Variants in SYNE2 observed in about 807,000 individuals in gnomAD.
The protein encoded by SYNE2 is spectrin repeat containing nuclear envelope protein 2.
Under a neutral mutation model 856.3 loss-of-function variants are expected in SYNE2, and 431 were observed. That is an observed-to-expected ratio of 0.50 (90% CI 0.47 to 0.55). The LOEUF (loss-of-function observed/expected upper bound fraction) is 0.55, where lower values mean the gene tolerates loss of function less well. SYNE2 is among the 20% of genes least tolerant of loss of function. The pLI is 0.00. For missense variants in SYNE2, 8,129 were observed against 8,023.2 expected (o/e 1.01, Z -0.50); for synonymous variants, 2,923 against 2,872.3 (o/e 1.02, Z -0.56).
intron 2 of SYNE2, among the ~76,000 whole-genome samples, chr14:63,936,653 A>G (rs2095837572): frequency 6.6e-6 from 1 of 152,202 alleles, no homozygotes; most frequent in South Asian, 2.1e-4. Context: ...AGGGAAGGGC[A>G]GATGGTGCTG....
At chr14:63,896,319 C>G (rs2095252034) in intron 1 of SYNE2, among the ~76,000 whole-genome samples, 1 of 152,160 alleles carries the variant, frequency 6.6e-6, no homozygotes, top group South Asian at 2.1e-4. Context: ...TTTTTCCTAT[C>G]ATATCCTGCA....
Position 64,081,454 on chromosome 14 carries a change from G to C in SYNE2, c.11358G>C (p.Lys3786Asn), listed in dbSNP as rs1329450245. The change falls in exon 57 of 116, where the codon AAG becomes AAC. Residue 3786 changes from lysine to asparagine, a missense_variant. By Grantham distance (94) the Lys-to-Asn change is moderately conservative (BLOSUM62 0). This residue lies in a region of SYNE2 where 5,410 missense variants were observed against 5,284.8 expected (regional missense o/e 1.02). Coordinates refer to ENST00000555002, the MANE Select transcript of SYNE2 (RefSeq NM_182914.3). ...RTSQLNKATV[K>N]MEEYSDLLKS... is the part of the protein sequence containing the mutation. ...CATCTCTTTCCCAGGCCACAGTTAA[G>C]ATGGAGGAATATAGTGACCTTCTGA... The C allele has an allele frequency of 3.1e-6, 5 of 1,614,068 alleles. No individual in the cohort carries two copies. The highest frequency in any genetic ancestry group is 4.2e-6 in the Non-Finnish European group (5 of 1,180,030).
chr14:63,787,974 GC>G (rs1468512802), intron 1 of SYNE2, among the ~76,000 whole-genome samples: 4 of 152,316 alleles, frequency 2.6e-5, no homozygotes, highest in African/African-American at 9.6e-5. Context: ...CCAGTGCCAA[GC>G]CGCCCTCAGC....
intron 49 of SYNE2, among the ~76,000 whole-genome samples, chr14:64,060,289 A>G (rs2097306337): frequency 6.6e-6 from 1 of 152,074 alleles, no homozygotes. Context: ...AGTCTCACCC[A>G]AGGCCCACAG....
chr14:63,814,256 C>T (rs570410165), intron 1 of SYNE2, among the ~76,000 whole-genome samples: 3 of 151,066 alleles, frequency 2.0e-5, no homozygotes, highest in South Asian at 2.1e-4. Context: ...GGCCACAGAG[C>T]GAGGCTCTGT....
At chr14:63,922,303 C>G (rs1469589004) in intron 2 of SYNE2, among the ~76,000 whole-genome samples, 1 of 152,218 alleles carries the variant, frequency 6.6e-6, no homozygotes, top group Non-Finnish European at 1.5e-5. Flanking sequence ...CCAGACCCAG[C>G]TTAGATGTTT....
chr14:64,002,665 T>C lies in SYNE2; in HGVS notation c.3787-55T>C, dbSNP rs893401013. The C allele has an allele frequency of 3.1e-6, 5 of 1,595,172 alleles. No individual in the cohort carries two copies. The African/African-American group carries it at 6.8e-5, about 22-fold the overall frequency. ...TGCAGTTTGGGGCTAGTTTCTCACA[T>C]GTAGCCTTTCTTTTTTCCACCTCAG... On this transcript the variant is annotated intron_variant, in intron 29 of 115. Coordinates refer to ENST00000555002, the MANE Select transcript of SYNE2 (RefSeq NM_182914.3).
At chr14:64,187,481 A>ATTG (rs2098497961) in intron 97 of SYNE2, among the ~76,000 whole-genome samples, 1 of 152,254 alleles carries the variant, frequency 6.6e-6, no homozygotes, top group Non-Finnish European at 1.5e-5. Flanking sequence ...TACTATTATG[A>ATTG]AATCAATCAG....
At chr14:63,955,938 G>A (rs2096236571) in intron 8 of SYNE2, among the ~76,000 whole-genome samples, 1 of 152,120 alleles carries the variant, frequency 6.6e-6, no homozygotes, top group East Asian at 1.9e-4. Context: ...GTAATAAGAG[G>A]TATATCAGAA....
chr14:64,140,132 A>G lies in SYNE2; in HGVS notation c.14976+59A>G, dbSNP rs1408082510. The G allele has an allele frequency of 2.6e-6, 4 of 1,542,452 alleles. No individual in the cohort carries two copies. The African/African-American group carries it at 5.4e-5, about 21-fold the overall frequency. ...TGGTCAGAAATAAATATCAAGGAAA[A>G]AGCATCAGGGTTGATGTGATAGTCT... On this transcript the variant is annotated intron_variant, in intron 80 of 115. Transcript: ENST00000555002.
intron 6 of SYNE2, among the ~76,000 whole-genome samples, chr14:63,947,154 A>G (rs997100829): frequency 7.2e-5 from 11 of 151,964 alleles, no homozygotes; most frequent in Admixed American, 7.2e-4. Flanking sequence ...CTGGCCTGTT[A>G]TATTCTTTAA....
At chr14:63,777,871 G>A (rs142502656) in intron 1 of SYNE2, among the ~76,000 whole-genome samples, 1,780 of 152,202 alleles carry the variant, frequency 0.012, 32 homozygotes, top group African/African-American at 0.041. Flanking sequence ...GTCTTGCTAT[G>A]TTGCTCAGGC....
At chr14:64,008,020 G>A (rs1480296784) in intron 31 of SYNE2, among the ~76,000 whole-genome samples, 1 of 152,072 alleles carries the variant, frequency 6.6e-6, no homozygotes, top group Non-Finnish European at 1.5e-5. Flanking sequence ...AAATCAAGCT[G>A]TGTTCCTTCT....
intron 83 of SYNE2, 91 bp downstream of exon 83, chr14:64,144,039 G>T (rs530294807): frequency 6.8e-6 from 10 of 1,469,680 alleles, no homozygotes; most frequent in Admixed American, 5.0e-5. Context: ...TTAGTTGACT[G>T]ATTATTAAGC....
intron 1 of SYNE2, among the ~76,000 whole-genome samples, chr14:63,836,215 G>A (rs935681062): frequency 1.3e-5 from 2 of 151,874 alleles, no homozygotes; most frequent in Non-Finnish European, 2.9e-5. Flanking sequence ...GTAGAGATGG[G>A]GTTTCACCAT....
intron 1 of SYNE2, among the ~76,000 whole-genome samples, chr14:63,859,903 C>A (rs1034234196): frequency 6.6e-6 from 1 of 152,048 alleles, no homozygotes; most frequent in Non-Finnish European, 1.5e-5. Context: ...TCCCTCCTTT[C>A]TCTCTTTTCT....
intron 90 of SYNE2, 53 bp downstream of exon 90, chr14:64,165,463 A>G (rs2098369470): frequency 6.9e-6 from 11 of 1,590,078 alleles, no homozygotes; most frequent in Non-Finnish European, 8.6e-6. Context: ...TAAGGTTAAA[A>G]AAAATAAGCT....
intron 47 of SYNE2, among the ~76,000 whole-genome samples, chr14:64,050,971 A>C (rs1217051259): frequency 6.6e-6 from 1 of 151,782 alleles, no homozygotes; most frequent in East Asian, 1.9e-4. Flanking sequence ...CAGTGAGCTG[A>C]GATCACACCA....
chr14:63,970,710 A>G (rs939931802), intron 11 of SYNE2, among the ~76,000 whole-genome samples: 4 of 129,988 alleles, frequency 3.1e-5, no homozygotes, highest in African/African-American at 1.2e-4. Context: ...CTGGAGTGCA[A>G]TGGTATGATC....
Sources: gnomAD v4.1 joint callset for allele counts (sites outside exome capture counted in the v4.1 genomes callset) on GRCh38, gnomAD v4.1.1 for gene constraint, gnomAD v4.1.1 regional missense constraint, MANE v1.5 for transcripts, NCBI Gene and HGNC (gene_info 2026-07-23, HGNC 2026-07-21) for gene names.